The following ASTN2 variants were observed in gnomAD, a reference collection of about 807,000 sequenced individuals.
ASTN2 encodes astrotactin-2.
A neutral mutation model predicts 139.8 loss-of-function variants in ASTN2; 54 were observed. That is an observed-to-expected ratio of 0.39 (90% CI 0.31 to 0.48). The LOEUF (loss-of-function observed/expected upper bound fraction) is 0.48, where lower values mean the gene tolerates loss of function less well. Ranked by LOEUF, ASTN2 falls within the 20% of genes least tolerant of loss-of-function variation. The pLI, the probability that ASTN2 is intolerant of heterozygous loss-of-function variation, is 0.95. For missense variants in ASTN2, 1,565 were observed against 1,725.1 expected (o/e 0.91, Z 1.64); for synonymous variants, 756 against 719.5 (o/e 1.05, Z -0.81).
intron 16 of ASTN2, among the ~76,000 whole-genome samples, chr9:116,725,291 A>G (rs1316183634): frequency 6.6e-6 from 1 of 152,066 alleles, no homozygotes; most frequent in Non-Finnish European, 1.5e-5. Context: ...GCCTCACCAC[A>G]GGACAGAATG....
At chr9:117,000,353 C>G (rs1383543246) in intron 7 of ASTN2, among the ~76,000 whole-genome samples, 1 of 152,210 alleles carries the variant, frequency 6.6e-6, no homozygotes, top group Non-Finnish European at 1.5e-5. Flanking sequence ...CCCAATTCTA[C>G]TGTGGTTCAC....
intron 16 of ASTN2, among the ~76,000 whole-genome samples, chr9:116,664,546 A>G (rs541256307): frequency 2.5e-4 from 38 of 151,536 alleles, no homozygotes; most frequent in Non-Finnish European, 3.7e-4. Context: ...TCCAGGGATA[A>G]GAATAGAAGC....
At chr9:116,571,538 G>T (rs998266590) in intron 19 of ASTN2, among the ~76,000 whole-genome samples, 1 of 152,194 alleles carries the variant, frequency 6.6e-6, no homozygotes, top group African/African-American at 2.4e-5. Context: ...TGTGCTGTGG[G>T]TGCTACGTGA....
chr9:117,310,169 G>A (rs2130813605), intron 1 of ASTN2, among the ~76,000 whole-genome samples: 1 of 152,254 alleles, frequency 6.6e-6, no homozygotes, highest in East Asian at 1.9e-4. Context: ...ACAGGTTTGA[G>A]AGGGCGGCAT....
chr9:117,071,504 G>T (rs1000529186), intron 5 of ASTN2, among the ~76,000 whole-genome samples: 4 of 150,152 alleles, frequency 2.7e-5, no homozygotes, highest in Admixed American at 2.6e-4. Flanking sequence ...GCCTACAGAG[G>T]CAGGCAGGCC....
intron 17 of ASTN2, among the ~76,000 whole-genome samples, chr9:116,627,860 C>A (rs1008238563): frequency 6.6e-6 from 1 of 152,192 alleles, no homozygotes; most frequent in Non-Finnish European, 1.5e-5. Flanking sequence ...TTACTCCTCA[C>A]AATACCCTAG....
chr9:117,070,868 T>A (rs962482821), intron 5 of ASTN2, among the ~76,000 whole-genome samples: 6 of 150,722 alleles, frequency 4.0e-5, no homozygotes, highest in African/African-American at 1.5e-4. Context: ...CATCAGCTCC[T>A]TTAAGCACTT....
At chr9:116,976,509 A>G (rs1489834250) in intron 8 of ASTN2, among the ~76,000 whole-genome samples, 192 bp downstream of exon 8, 1 of 152,228 alleles carries the variant, frequency 6.6e-6, no homozygotes, top group African/African-American at 2.4e-5. Context: ...ATATTCACCA[A>G]TCATGTACCT....
intron 19 of ASTN2, among the ~76,000 whole-genome samples, chr9:116,529,298 C>A (rs73524115): frequency 0.013 from 1,977 of 152,134 alleles, 37 homozygotes; most frequent in African/African-American, 0.045. Flanking sequence ...TTATTTTGGA[C>A]CTTTAAGATT....
chr9:117,266,127 A>G (rs547520605), intron 2 of ASTN2, among the ~76,000 whole-genome samples: 1 of 152,308 alleles, frequency 6.6e-6, no homozygotes, highest in East Asian at 1.9e-4. Context: ...TGAGCTTCAA[A>G]TCAGACAGGT....
At chr9:117,144,226 G>C (rs1830139167) in intron 3 of ASTN2, among the ~76,000 whole-genome samples, 1 of 152,130 alleles carries the variant, frequency 6.6e-6, no homozygotes, top group Non-Finnish European at 1.5e-5. Context: ...GAACATGCTA[G>C]CACCTTGATC....
intron 19 of ASTN2, among the ~76,000 whole-genome samples, chr9:116,515,082 G>A (rs139811632): frequency 1.2e-3 from 185 of 152,256 alleles, no homozygotes; most frequent in East Asian, 8.1e-3. Flanking sequence ...TCTCTTCTGC[G>A]TCAGTCACAC....
Position 116,775,833 on chromosome 9 carries a change from A to C in ASTN2, c.2396+29799T>G, listed in dbSNP as rs559387752. On this transcript the variant is annotated intron_variant, in intron 13 of 22. Transcript: ENST00000313400. ...GAAGAAAGGAAGGAAGAAAGGAAGGAAGGCAGGCAGGCAGGCAGGCAGGCA... is the reference window on the plus strand; with the variant it reads ...GAAGAAAGGAAGGAAGAAAGGAAGGCAGGCAGGCAGGCAGGCAGGCAGGCA... 5.8e-3 allele frequency among the ~76,000 whole-genome samples: 861 copies of C among 149,298 alleles called. 3 individuals are homozygous for C. Among genetic ancestry groups the C allele is most frequent in the African/African-American group, 0.019 (746 of 40,084 alleles).
At chr9:116,903,963 A>C (rs1022322156) in intron 10 of ASTN2, among the ~76,000 whole-genome samples, 4 of 152,150 alleles carry the variant, frequency 2.6e-5, no homozygotes, top group Non-Finnish European at 4.4e-5. Flanking sequence ...GGGCTTTCCA[A>C]TGCCTGATCA....
At chr9:117,123,959 C>T (rs1829623637) in intron 4 of ASTN2, among the ~76,000 whole-genome samples, 1 of 152,202 alleles carries the variant, frequency 6.6e-6, no homozygotes, top group Non-Finnish European at 1.5e-5. Flanking sequence ...CAGCAGTTAA[C>T]TCACATGCCT....
intron 1 of ASTN2, among the ~76,000 whole-genome samples, chr9:117,307,970 C>T (rs150580527): frequency 2.4e-3 from 361 of 152,216 alleles, no homozygotes; most frequent in Non-Finnish European, 4.3e-3. Flanking sequence ...GCCTTGTTCT[C>T]GAACTGTCCA....
chr9:116,607,670 A>AACACACACACAC (rs57512218), intron 19 of ASTN2, among the ~76,000 whole-genome samples: 7 of 136,370 alleles, frequency 5.1e-5, no homozygotes, highest in African/African-American at 8.2e-5. Context: ...TTAAGAAATT[A>AACACACACACAC]ACACACACAC....
chr9:117,117,410 A>C (rs1183986324), intron 4 of ASTN2, among the ~76,000 whole-genome samples: 1 of 145,722 alleles, frequency 6.9e-6, no homozygotes, highest in Non-Finnish European at 1.5e-5. Flanking sequence ...AAAAAAAAAA[A>C]CGCAACTCCA....
At chr9:117,286,006 CA>C (rs1564126532) in intron 2 of ASTN2, among the ~76,000 whole-genome samples, 1 of 152,146 alleles carries the variant, frequency 6.6e-6, no homozygotes. Flanking sequence ...ATATTGGTCT[CA>C]AACAGTTTCT....
Sources: gnomAD v4.1 joint callset for allele counts (sites outside exome capture counted in the v4.1 genomes callset) on GRCh38, gnomAD v4.1.1 for gene constraint, MANE v1.5 for transcripts, NCBI Gene and HGNC (gene_info 2026-07-23, HGNC 2026-07-21) for gene names.